The following ASPHD1 variants were observed in gnomAD, a reference collection of about 807,000 sequenced individuals.
The protein encoded by ASPHD1 is aspartate beta-hydroxylase domain-containing protein 1.
A neutral mutation model predicts 28.3 loss-of-function variants in ASPHD1; 20 were observed. That is an observed-to-expected ratio of 0.71 (90% CI 0.50 to 1.03). The LOEUF is 1.03. ASPHD1 is among the 50% of genes least tolerant of loss of function. The probability of loss-of-function intolerance (pLI) is 0.00; values close to 1 mark genes in which losing one functional copy is unlikely to be tolerated. For synonymous variants in ASPHD1, 240 were observed against 221.2 expected, an observed-to-expected ratio of 1.08 and a Z score of -0.75; for missense variants, 479 against 524.1, an observed-to-expected ratio of 0.91 and a Z score of 0.84.
At chr16:29,917,779 GAAAAATA>G (rs2068836017) in intron 3 of ASPHD1, among the ~76,000 whole-genome samples, 2 of 149,986 alleles carry the variant, frequency 1.3e-5, no homozygotes, top group African/African-American at 2.4e-5. Flanking sequence ...ACTCCATTTA[GAAAAATA>G]AAAAATAAAA....
At chr16:29,912,154 G>C in intron 3 of ASPHD1, 2 of 750,244 alleles carry the variant, frequency 2.7e-6, no homozygotes, top group Non-Finnish European at 4.6e-6. Context: ...ACTCCTCAGT[G>C]GTCCGCAGGG....
At chr16:29,909,160 T>G (rs2068662719), downstream of ASPHD1, among the ~76,000 whole-genome samples, 1 of 152,116 alleles carries the variant, frequency 6.6e-6, no homozygotes, top group Non-Finnish European at 1.5e-5. Context: ...CTCAAGGAAC[T>G]AACACCTCGC....
chr16:29,910,138 G>A (rs1044091810), downstream of ASPHD1, among the ~76,000 whole-genome samples: 4 of 150,556 alleles, frequency 2.7e-5, no homozygotes, highest in South Asian at 2.1e-4. Context: ...AGTGGCTCAC[G>A]CTTGTAATCC....
chr16:29,915,535 G>A lies in ASPHD1; in HGVS notation c.*63-3996G>A, dbSNP rs146526139. 4.0e-5 allele frequency among the ~76,000 whole-genome samples: 6 copies of A among 151,222 alleles called. No individual in the cohort carries two copies. In the East Asian group the frequency reaches 1.2e-3, roughly 29 times the overall value. On this transcript the variant is annotated intron_variant and NMD_transcript_variant, in intron 3 of 3. Transcript: ENST00000414952. ...GGCGTGGTGGTGGGCACCTGTAATC[G>A]CAGCTACTCAGGAGGCTGAGACAGG...
chr16:29,905,428 C>T (rs1249473915), intron 2 of ASPHD1, among the ~76,000 whole-genome samples: 1 of 151,930 alleles, frequency 6.6e-6, no homozygotes, highest in Non-Finnish European at 1.5e-5. Flanking sequence ...GAGTTCGAGA[C>T]CAGCCTGGCC....
intron 3 of ASPHD1, among the ~76,000 whole-genome samples, chr16:29,918,510 G>C (rs2068849290): frequency 6.6e-6 from 1 of 151,938 alleles, no homozygotes; most frequent in African/African-American, 2.4e-5. Flanking sequence ...TTGCTCTGTT[G>C]ACCAGGCTGG....
chr16:29,910,096 TAA>T (rs529199170), downstream of ASPHD1, among the ~76,000 whole-genome samples: 21 of 110,364 alleles, frequency 1.9e-4, no homozygotes, highest in Admixed American at 2.0e-4. Flanking sequence ...AGACTCTGTC[TAA>T]AAAAAAAAAA....
At chr16:29,903,280 C>T (rs1011209050) in intron 1 of ASPHD1, among the ~76,000 whole-genome samples, 2 of 151,922 alleles carry the variant, frequency 1.3e-5, no homozygotes, top group African/African-American at 4.8e-5. Flanking sequence ...CACTTGAACT[C>T]GGGAGGCGGA....
At position 29,911,820 on chromosome 16, in the gene ASPHD1, G is replaced by A. The variant is rs991500445; in HGVS notation, c.*62+5861G>A. On this transcript the variant is annotated intron_variant and NMD_transcript_variant, in intron 3 of 3. Coordinates refer to the ASPHD1 transcript ENST00000414952. ...CCCCGCACCCCGGCGGTCACCTGGT[G>A]TAGGAGTACTTGTTGTTACTGCGGT... 6 of 1,612,678 alleles carry A rather than the reference G, an allele frequency of 3.7e-6. No individual in the cohort carries two copies. In the African/African-American group the frequency reaches 6.7e-5, roughly 18 times the overall value.
chr16:29,905,544 C>T (rs1023880401), intron 2 of ASPHD1, among the ~76,000 whole-genome samples: 2 of 145,786 alleles, frequency 1.4e-5, no homozygotes, highest in African/African-American at 5.1e-5. Flanking sequence ...AGGAGAATTG[C>T]TTGAACCTGG....
chr16:29,906,005 G>GGGGGTGT lies in ASPHD1; in HGVS notation c.*108_*109insGGGGTGT. 1 of 465,160 alleles carries GGGGGTGT rather than the reference G, an allele frequency of 2.1e-6. No individual in the cohort carries two copies. The highest frequency in any genetic ancestry group is 4.0e-6 in the Non-Finnish European group (1 of 252,752). The allele number at this position is 465,160 out of a possible 1,614,324, so 28.8% of individuals were successfully genotyped here. ...ACTGCGGGGGTGGGCGGGGGCGGAG[G>GGGGGTGT]ATGGGAACTGGCTAGTGAGCACTGA... On this transcript the variant is annotated 3_prime_UTR_variant, in exon 3 of 3. Coordinates refer to ENST00000308748, the MANE Select transcript of ASPHD1 (RefSeq NM_181718.4).
Position 29,905,887 on chromosome 16 carries a change from C to T in ASPHD1, c.1163C>T (p.Pro388Leu), listed in dbSNP as rs2068604480. 6.2e-7 allele frequency: 1 copy of T among 1,612,522 alleles called. No homozygotes were observed. Among genetic ancestry groups the T allele is most frequent in the Non-Finnish European group, 8.5e-7 (1 of 1,179,008 alleles). The change falls in exon 3 of 3, where the codon CCA becomes CTA. Residue 388 changes from proline (P) to leucine (L), a missense_variant. Physicochemically the swap from Pro to Leu is moderately conservative, Grantham distance 98. Transcript: ENST00000308748. ...CAGGCCCTCGACTTTGTCTTCGCCC[C>T]AGACCCTTGAAGGAAGGTGCTCCCT... ...ERQALDFVFA[P>L]DP is the part of the protein sequence containing the mutation.
chr16:29,911,615 C>G, intron 3 of ASPHD1: 2 of 612,166 alleles, frequency 3.3e-6, no homozygotes, highest in Non-Finnish European at 5.8e-6. Context: ...CACCCAAACC[C>G]ATTTACTGAT....
Position 29,906,010 on chromosome 16 carries a change from G to T in ASPHD1, c.*113G>T. 1.6e-6 allele frequency: 1 copy of T among 622,970 alleles called. No individual in the cohort carries two copies. The highest frequency in any genetic ancestry group is 2.8e-6 in the Non-Finnish European group (1 of 358,338). 38.6% of individuals were successfully genotyped at this position (622,970 alleles called of 1,614,324 possible). On this transcript the variant is annotated 3_prime_UTR_variant, in exon 3 of 3. Coordinates refer to ENST00000308748, the MANE Select transcript of ASPHD1 (RefSeq NM_181718.4). The stretch of plus-strand genomic sequence containing the variant: ...GGGGGTGGGCGGGGGCGGAGGATGG[G>T]AACTGGCTAGTGAGCACTGAAATAT...
chr16:29,908,215 T>C (rs1432301823), downstream of ASPHD1, among the ~76,000 whole-genome samples: 1 of 151,568 alleles, frequency 6.6e-6, no homozygotes, highest in East Asian at 1.9e-4. Context: ...GGGTCAGGAG[T>C]GCACCCAGTG....
intron 3 of ASPHD1, among the ~76,000 whole-genome samples, chr16:29,917,553 G>T (rs1212951028): frequency 1.3e-5 from 2 of 151,992 alleles, no homozygotes; most frequent in Admixed American, 1.3e-4. Context: ...AGACCAAGGC[G>T]GGCGGATCAC....
At chr16:29,912,293 G>A in intron 3 of ASPHD1, 1 of 562,476 alleles carries the variant, frequency 1.8e-6, no homozygotes, top group Non-Finnish European at 3.1e-6. Flanking sequence ...CTGTGCCCCT[G>A]CCCGGGATGC....
Position 29,901,882 on chromosome 16 carries a change from G to T in ASPHD1, c.911G>T (p.Arg304Leu). ...CTGCCTGGGGCCCGGCTCGAGGGCCGCTGTGGGCCCACCAATGCCCGGGTC... is the reference window on the plus strand; with the variant it reads ...CTGCCTGGGGCCCGGCTCGAGGGCCTCTGTGGGCCCACCAATGCCCGGGTC... Reference protein sequence around the residue: ...VLLPGARLEGRCGPTNARVRC... With the variant: ...VLLPGARLEGLCGPTNARVRC... Residue 304 changes from arginine (R) to leucine (L), a missense_variant, in exon 1 of 3, where the codon CGC becomes CTC. By Grantham distance (102) the Arg-to-Leu change is moderately radical (BLOSUM62 -2). Coordinates refer to ENST00000308748, the MANE Select transcript of ASPHD1 (RefSeq NM_181718.4). This position sits in a 1 kb window ranked among gnomAD's most constrained non-coding sequence, Gnocchi z 5.1. 1 of 1,523,922 alleles carries T rather than the reference G, an allele frequency of 6.6e-7. No individual in the cohort carries two copies. The highest frequency in any genetic ancestry group is 8.8e-7 in the Non-Finnish European group (1 of 1,138,964). The allele number at this position is 1,523,922 out of a possible 1,614,324, so 94.4% of individuals were successfully genotyped here. A position where few individuals can be genotyped will look rare whatever the true frequency, so the allele number is the denominator to read the frequency against.
chr16:29,905,814 GTCT>G lies in ASPHD1; in HGVS notation c.1093_1095del (p.Phe365del), dbSNP rs748794967. On this transcript the variant is annotated inframe_deletion, in exon 3 of 3. Coordinates refer to ENST00000308748, the MANE Select transcript of ASPHD1 (RefSeq NM_181718.4). The stretch of plus-strand genomic sequence containing the variant: ...CTCCCCCGAAGATGGGCCTCGAGTG[GTCT>G]TCATCGTGGACCTCTGGCACCCCAA... 20 of 1,613,788 alleles carry G rather than the reference GTCT, an allele frequency of 1.2e-5. No individual in the cohort carries two copies. Among genetic ancestry groups the G allele is most frequent in the East Asian group, 2.2e-5 (1 of 44,868 alleles).
Sources: gnomAD v4.1 joint callset for allele counts (sites outside exome capture counted in the v4.1 genomes callset) on GRCh38, gnomAD v4.1.1 for gene constraint, Gnocchi (gnomAD v3.1) non-coding constraint, MANE v1.5 for transcripts, NCBI Gene and HGNC (gene_info 2026-07-23, HGNC 2026-07-21) for gene names.